SAP30BP: variants seen among roughly 807,000 people sequenced by gnomAD.
SAP30BP encodes SAP30-binding protein.
A neutral mutation model predicts 46.3 loss-of-function variants in SAP30BP; 31 were observed. The ratio of observed to expected loss-of-function variants is 0.67; its 90% confidence interval spans 0.50 to 0.90. The LOEUF (loss-of-function observed/expected upper bound fraction) is 0.90, where lower values mean the gene tolerates loss of function less well. Ranked by LOEUF, SAP30BP falls within the 40% of genes least tolerant of loss-of-function variation. The pLI is 0.00. For missense variants in SAP30BP, 312 were observed against 391.0 expected, an observed-to-expected ratio of 0.80 and a Z score of 1.70; for synonymous variants, 169 against 144.2, an observed-to-expected ratio of 1.17 and a Z score of -1.23.
chr17:75,672,983 A>C (rs952795679), intron 3 of SAP30BP, among the ~76,000 whole-genome samples: 1 of 151,982 alleles, frequency 6.6e-6, no homozygotes, highest in Non-Finnish European at 1.5e-5. Flanking sequence ...ACAAAAAAAA[A>C]CTGCTTGGAA....
chr17:75,689,532 C>T (rs561314460), intron 3 of SAP30BP, among the ~76,000 whole-genome samples: 1 of 152,268 alleles, frequency 6.6e-6, no homozygotes, highest in Admixed American at 6.5e-5. Flanking sequence ...AGCCCTCAGC[C>T]TGTTCTGGCT....
rs571009102 is a variant in SAP30BP at position 75,692,231 on chromosome 17, G to A, written c.265-1209G>A. 9 of 985,758 alleles carry A rather than the reference G, an allele frequency of 9.1e-6. No homozygotes were observed. In the South Asian group the frequency reaches 2.3e-4, roughly 26 times the overall value. 61.1% of individuals were successfully genotyped at this position (985,758 alleles called of 1,614,324 possible). On this transcript the variant is annotated intron_variant, in intron 3 of 10. Coordinates refer to ENST00000584667, the MANE Select transcript of SAP30BP (RefSeq NM_013260.8). ...GGGGCTAAGACTGAGTCTAGGTTCA[G>A]TGTGGGGAACTGGGTGGCCTTCCTG...
intron 3 of SAP30BP, among the ~76,000 whole-genome samples, chr17:75,676,254 C>T (rs770558389): frequency 6.6e-6 from 1 of 152,224 alleles, no homozygotes; most frequent in Non-Finnish European, 1.5e-5. Flanking sequence ...TTTACCCATA[C>T]ATGATTTGAT....
chr17:75,683,692 T>C (rs1431309490), intron 3 of SAP30BP: 2 of 152,192 alleles, frequency 1.3e-5, no homozygotes, highest in East Asian at 1.9e-4. Flanking sequence ...GAAGTCCACA[T>C]GGTTGTTCCC....
At chr17:75,695,037 C>A (rs2060296232) in intron 4 of SAP30BP, among the ~76,000 whole-genome samples, 1 of 152,186 alleles carries the variant, frequency 6.6e-6, no homozygotes, top group Admixed American at 6.5e-5. Flanking sequence ...GAAATGTTCC[C>A]TTGTGCCCCG....
At chr17:75,704,645 A>G in intron 8 of SAP30BP, 111 bp from the exon 9 acceptor site, 1 of 816,100 alleles carries the variant, frequency 1.2e-6, no homozygotes, top group Non-Finnish European at 2.1e-6. Context: ...AAGAACACTG[A>G]GCCCATGAAG....
intron 3 of SAP30BP, among the ~76,000 whole-genome samples, chr17:75,685,719 T>C (rs2060146443): frequency 6.6e-6 from 1 of 152,064 alleles, no homozygotes; most frequent in African/African-American, 2.4e-5. Flanking sequence ...CCCCCAAATA[T>C]ATCAACCTAA....
intron 3 of SAP30BP, among the ~76,000 whole-genome samples, chr17:75,688,777 A>G (rs2060199320): frequency 6.6e-6 from 1 of 152,102 alleles, no homozygotes. Context: ...CAGCTTCATC[A>G]ATGGCTGGAC....
chr17:75,674,507 G>T (rs1418256119), intron 3 of SAP30BP, among the ~76,000 whole-genome samples: 2 of 151,662 alleles, frequency 1.3e-5, no homozygotes, highest in Admixed American at 6.6e-5. Flanking sequence ...TGTTGGCCAG[G>T]CTGGTCTTGA....
At chr17:75,697,185 C>T (rs978407570) in intron 4 of SAP30BP, among the ~76,000 whole-genome samples, 1 of 152,202 alleles carries the variant, frequency 6.6e-6, no homozygotes, top group Non-Finnish European at 1.5e-5. Flanking sequence ...TGCCAAAGGG[C>T]ACTCTTTGTC....
chr17:75,704,706 C>A (rs761585439), intron 8 of SAP30BP, 50 bp from the exon 9 acceptor site: 2 of 1,405,140 alleles, frequency 1.4e-6, no homozygotes, highest in Admixed American at 3.3e-5. Flanking sequence ...CTCCCTCAGC[C>A]CAGAGCTGCT....
At chr17:75,695,224 G>T (rs2060299746) in intron 4 of SAP30BP, among the ~76,000 whole-genome samples, 1 of 152,226 alleles carries the variant, frequency 6.6e-6, no homozygotes, top group Non-Finnish European at 1.5e-5. Flanking sequence ...GCTTTGCAGG[G>T]TGTTTAGCAG....
intron 2 of SAP30BP, among the ~76,000 whole-genome samples, chr17:75,671,091 G>A (rs2059901386): frequency 6.6e-6 from 1 of 152,204 alleles, no homozygotes; most frequent in African/African-American, 2.4e-5. Context: ...CTTACCGTGT[G>A]TGATCCTTTG....
chr17:75,696,392 A>AAG (rs1252544554), intron 4 of SAP30BP, among the ~76,000 whole-genome samples: 2 of 151,500 alleles, frequency 1.3e-5, no homozygotes, highest in Non-Finnish European at 2.9e-5. Context: ...AAAAAAAAAA[A>AAG]AATTAGCCAG....
At chr17:75,679,288 GC>G (rs772219422) in intron 3 of SAP30BP, among the ~76,000 whole-genome samples, 2 of 152,118 alleles carry the variant, frequency 1.3e-5, no homozygotes, top group Non-Finnish European at 2.9e-5. Context: ...GAACCACCAT[GC>G]CCGGCCTTCA....
intron 3 of SAP30BP, among the ~76,000 whole-genome samples, chr17:75,674,690 G>GTTTGTTTTTTTTT (rs2059958498): frequency 1.3e-4 from 5 of 39,578 alleles, no homozygotes; most frequent in African/African-American, 3.3e-4. Flanking sequence ...TTTTTTGTTT[G>GTTTGTTTTTTTTT]TTTTTTGTTT....
At chr17:75,693,582 G>A (rs948790191) in intron 4 of SAP30BP, 100 bp downstream of exon 4, 1 of 1,101,992 alleles carries the variant, frequency 9.1e-7, no homozygotes. Context: ...GCTTCTGTCT[G>A]CTGTGAGCAC....
intron 4 of SAP30BP, among the ~76,000 whole-genome samples, chr17:75,696,442 G>C (rs1389931080): frequency 6.6e-6 from 1 of 151,814 alleles, no homozygotes; most frequent in African/African-American, 2.4e-5. Flanking sequence ...TACCCGGGAG[G>C]CTGAGGCAAG....
chr17:75,702,125 C>T (rs2060421116), intron 5 of SAP30BP, among the ~76,000 whole-genome samples: 1 of 152,204 alleles, frequency 6.6e-6, no homozygotes, highest in Non-Finnish European at 1.5e-5. Context: ...CAGGTTCAAG[C>T]TATTCTTCTG....
Sources: gnomAD v4.1 joint callset for allele counts (sites outside exome capture counted in the v4.1 genomes callset) on GRCh38, gnomAD v4.1.1 for gene constraint, MANE v1.5 for transcripts, NCBI Gene and HGNC (gene_info 2026-07-23, HGNC 2026-07-21) for gene names.